Variants in DDX42 observed in about 807,000 individuals in gnomAD.
DDX42 encodes ATP-dependent RNA helicase DDX42.
DDX42 carries 22 observed loss-of-function variants against 101.5 expected under a neutral mutation model. That is an observed-to-expected ratio of 0.22 (90% CI 0.15 to 0.31). The LOEUF is 0.31. Ranked by LOEUF, DDX42 falls within the 10% of genes least tolerant of loss-of-function variation. The pLI, the probability that DDX42 is intolerant of heterozygous loss-of-function variation, is 1.00. For missense variants in DDX42, 849 were observed against 1,199.9 expected (o/e 0.71, Z 4.32); for synonymous variants, 402 against 401.2 (o/e 1.00, Z -0.02).
In DDX42 at chr17:63,787,360, T is replaced by C. The variant is rs1417383065; in HGVS notation, c.221+90T>C. ...AATTGAGGCAAAGAAACTTTGTTTC[T>C]CAAATAATAATGAATTCTTAAATTA... On this transcript the variant is annotated intron_variant, in intron 2 of 17. Transcript: ENST00000389924. 2.3e-6 allele frequency: 3 copies of C among 1,290,648 alleles called. No homozygotes were observed. In the East Asian group the frequency reaches 7.2e-5, roughly 31 times the overall value. The allele number at this position is 1,290,648 out of a possible 1,614,324, so 79.9% of individuals were successfully genotyped here.
At chr17:63,784,530 C>A (rs564237732) in intron 1 of DDX42, among the ~76,000 whole-genome samples, 1 of 152,094 alleles carries the variant, frequency 6.6e-6, no homozygotes, top group Admixed American at 6.6e-5. Context: ...CTGTTAATTC[C>A]AGCACTTTGG....
intron 6 of DDX42, among the ~76,000 whole-genome samples, chr17:63,804,393 T>C (rs2144571807): frequency 6.6e-6 from 1 of 152,364 alleles, no homozygotes; most frequent in African/African-American, 2.4e-5. Context: ...AAGTGACTAC[T>C]ACTTTCTGGA....
chr17:63,787,290 A>G lies in DDX42; in HGVS notation c.221+20A>G, dbSNP rs371458465. The G allele has an allele frequency of 5.6e-6, 9 of 1,611,408 alleles. No homozygotes were observed. In the Admixed American group the frequency reaches 1.3e-4, roughly 24 times the overall value. ...AAATGCGTAAGTGGTAATTCCTGGTAGTGTAGCAAAGTTTGGACTTTGATA... is the reference window on the plus strand; with the variant it reads ...AAATGCGTAAGTGGTAATTCCTGGTGGTGTAGCAAAGTTTGGACTTTGATA... On this transcript the variant is annotated intron_variant, in intron 2 of 17. Transcript: ENST00000389924.
intron 4 of DDX42, 96 bp from the exon 5 acceptor site, chr17:63,799,493 T>C: frequency 1.5e-6 from 2 of 1,349,774 alleles, no homozygotes; most frequent in South Asian, 2.5e-5. Context: ...TGAGAGTTCC[T>C]GTGCTGTGTG....
intron 15 of DDX42, among the ~76,000 whole-genome samples, chr17:63,814,845 A>ATAAAACATAT (rs2039957910): frequency 6.6e-6 from 1 of 152,010 alleles, no homozygotes; most frequent in Admixed American, 6.5e-5. Flanking sequence ...ATGTGCCACC[A>ATAAAACATAT]TGCCTGGCTA....
intron 1 of DDX42, chr17:63,776,457 A>G (rs1234184815): frequency 1.3e-5 from 2 of 152,182 alleles, no homozygotes; most frequent in South Asian, 2.1e-4. Context: ...GCGCTTATGT[A>G]TGAAATACCT....
intron 2 of DDX42, among the ~76,000 whole-genome samples, chr17:63,789,779 G>C (rs370666880): frequency 6.7e-6 from 1 of 150,160 alleles, no homozygotes; most frequent in Admixed American, 6.6e-5. Flanking sequence ...CTCCGTGTTG[G>C]CCAGGCTGGT....
At chr17:63,813,581 G>C in intron 15 of DDX42, 127 bp downstream of exon 15, 3 of 708,184 alleles carry the variant, frequency 4.2e-6, no homozygotes, top group Admixed American at 2.8e-5. Context: ...GGGCTTATGA[G>C]GTACAGATAG....
chr17:63,810,375 G>A (rs765851705), intron 11 of DDX42, 138 bp from the exon 12 acceptor site: 54 of 759,208 alleles, frequency 7.1e-5, no homozygotes, highest in Non-Finnish European at 1.1e-4. Flanking sequence ...ACAGGCATGA[G>A]CCACTGTGCC....
intron 5 of DDX42, among the ~76,000 whole-genome samples, chr17:63,799,907 T>C (rs146592988): frequency 1.2e-3 from 179 of 152,388 alleles, no homozygotes; most frequent in Non-Finnish European, 1.2e-3. Flanking sequence ...ATGTTTATTC[T>C]GATAAATCAA....
At chr17:63,808,690 G>A (rs1045760325) in intron 9 of DDX42, 130 bp from the exon 10 acceptor site, 10 of 912,288 alleles carry the variant, frequency 1.1e-5, no homozygotes, top group Admixed American at 7.3e-5. Context: ...GAATAAAATC[G>A]TGGTTTTAAA....
intron 6 of DDX42, among the ~76,000 whole-genome samples, chr17:63,802,446 T>C (rs2039782690): frequency 6.6e-6 from 1 of 152,210 alleles, no homozygotes. Flanking sequence ...AGGAAAACAA[T>C]TGAAAGTGTT....
At chr17:63,789,865 A>C (rs1380852253) in intron 2 of DDX42, among the ~76,000 whole-genome samples, 2 of 152,102 alleles carry the variant, frequency 1.3e-5, no homozygotes, top group Non-Finnish European at 2.9e-5. Flanking sequence ...GAGCCACTGC[A>C]CCTGGCCAAA....
chr17:63,794,072 A>G (rs2039662485), intron 3 of DDX42, among the ~76,000 whole-genome samples: 1 of 152,030 alleles, frequency 6.6e-6, no homozygotes, highest in Admixed American at 6.6e-5. Context: ...GTCAATCTTT[A>G]TAATAGCCCT....
At chr17:63,780,150 G>A (rs1293983504) in intron 1 of DDX42, among the ~76,000 whole-genome samples, 1 of 152,106 alleles carries the variant, frequency 6.6e-6, no homozygotes, top group South Asian at 2.1e-4. Flanking sequence ...TACAAAATTA[G>A]CCAGGCGTGG....
chr17:63,785,509 C>G (rs2144532700), intron 1 of DDX42, among the ~76,000 whole-genome samples: 1 of 129,350 alleles, frequency 7.7e-6, no homozygotes, highest in African/African-American at 3.3e-5. Flanking sequence ...TGCCTGTAAT[C>G]CCAGCACTTA....
At chr17:63,799,408 G>C in intron 4 of DDX42, 181 bp from the exon 5 acceptor site, 3 of 485,362 alleles carry the variant, frequency 6.2e-6, no homozygotes, top group Non-Finnish European at 1.1e-5. Flanking sequence ...GCAGATTATA[G>C]AGTGCAGCTA....
intron 15 of DDX42, 66 bp downstream of exon 15, chr17:63,813,520 A>G: frequency 7.0e-7 from 1 of 1,425,498 alleles, no homozygotes; most frequent in Non-Finnish European, 9.7e-7. Flanking sequence ...GCAGTCCTGG[A>G]ACAGATAACA....
intron 7 of DDX42, 198 bp from the exon 8 acceptor site, chr17:63,806,337 A>G: frequency 2.5e-6 from 1 of 394,946 alleles, no homozygotes; most frequent in Non-Finnish European, 4.3e-6. Flanking sequence ...GGGAATATTT[A>G]TCATGGAGTT....
Sources: gnomAD v4.1 joint callset for allele counts (sites outside exome capture counted in the v4.1 genomes callset) on GRCh38, gnomAD v4.1.1 for gene constraint, MANE v1.5 for transcripts, NCBI Gene and HGNC (gene_info 2026-07-23, HGNC 2026-07-21) for gene names.